EMILIN2: variants seen among roughly 807,000 people sequenced by gnomAD.
The protein encoded by EMILIN2 is EMILIN-2.
A neutral mutation model predicts 87.1 loss-of-function variants in EMILIN2; 71 were observed. The observed-to-expected ratio is 0.82, with a 90% CI of 0.67 to 0.99. The LOEUF (loss-of-function observed/expected upper bound fraction) is 0.99, where lower values mean the gene tolerates loss of function less well. EMILIN2 is among the 50% of genes least tolerant of loss of function. The pLI is 0.00. For synonymous variants in EMILIN2, 581 were observed against 563.4 expected (o/e 1.03, Z -0.44); for missense variants, 1,407 against 1,371.8 (o/e 1.03, Z -0.40).
chr18:2,909,112 C>T lies in EMILIN2; in HGVS notation c.2695+137C>T. 5.4e-6 allele frequency: 6 copies of T among 1,101,772 alleles called. No individual in the cohort carries two copies. The Admixed American group carries it at 1.1e-4, about 19-fold the overall frequency. The allele number at this position is 1,101,772 out of a possible 1,614,324, so 68.2% of individuals were successfully genotyped here. On this transcript the variant is annotated intron_variant, in intron 6 of 7. Coordinates refer to ENST00000254528, the MANE Select transcript of EMILIN2 (RefSeq NM_032048.3). Reference sequence around the variant, plus strand: ...GGCCCAGCCCTTCCCCACCCACCAGCACTGGGACAGCCCTCTGCTGACTAT... The same window carrying T: ...GGCCCAGCCCTTCCCCACCCACCAGTACTGGGACAGCCCTCTGCTGACTAT...
chr18:2,855,995 G>A (rs1345008057), intron 2 of EMILIN2, among the ~76,000 whole-genome samples: 1 of 152,154 alleles, frequency 6.6e-6, no homozygotes, highest in East Asian at 1.9e-4. Context: ...CGGACACATT[G>A]GAGAAAGGCT....
At chr18:2,896,085 A>G (rs910665181) in intron 4 of EMILIN2, among the ~76,000 whole-genome samples, 3 of 152,198 alleles carry the variant, frequency 2.0e-5, no homozygotes, top group Non-Finnish European at 4.4e-5. Context: ...GCTGATGCTT[A>G]AATAGATCTA....
intron 2 of EMILIN2, among the ~76,000 whole-genome samples, chr18:2,876,715 A>T (rs182873377): frequency 2.0e-5 from 3 of 151,904 alleles, no homozygotes; most frequent in Non-Finnish European, 4.4e-5. Context: ...GCAGTGAGCC[A>T]AGATAGTGCC....
At chr18:2,870,228 C>T (rs976449439) in intron 2 of EMILIN2, among the ~76,000 whole-genome samples, 5 of 152,120 alleles carry the variant, frequency 3.3e-5, no homozygotes, top group Non-Finnish European at 5.9e-5. Flanking sequence ...GTGACAGACC[C>T]TGTCTCAAAA....
At chr18:2,866,175 G>A (rs551690191) in intron 2 of EMILIN2, among the ~76,000 whole-genome samples, 243 of 152,254 alleles carry the variant, frequency 1.6e-3, no homozygotes, top group African/African-American at 5.6e-3. Context: ...GCAATGCCTC[G>A]CCCTGCTTCG....
intron 5 of EMILIN2, among the ~76,000 whole-genome samples, chr18:2,908,417 A>T (rs2076925078): frequency 6.6e-6 from 1 of 152,056 alleles, no homozygotes; most frequent in Non-Finnish European, 1.5e-5. Context: ...GTATCCATGC[A>T]CATATCTGTC....
intron 2 of EMILIN2, among the ~76,000 whole-genome samples, chr18:2,883,362 C>T (rs1447431566): frequency 6.6e-6 from 1 of 152,182 alleles, no homozygotes; most frequent in Non-Finnish European, 1.5e-5. Context: ...CGCCTCCCCC[C>T]ATGGGCAGCT....
intron 2 of EMILIN2, among the ~76,000 whole-genome samples, chr18:2,852,821 C>A (rs7237220): frequency 0.015 from 2,211 of 152,218 alleles, 56 homozygotes; most frequent in African/African-American, 0.051. Context: ...ACCTGGCCCG[C>A]AATAATAATT....
chr18:2,882,751 T>G lies in EMILIN2; in HGVS notation c.258-2213T>G, dbSNP rs573153901. 2.6e-3 allele frequency among the ~76,000 whole-genome samples: 389 copies of G among 151,912 alleles called. 1 individual carries two copies. Among genetic ancestry groups the G allele is most frequent in the Middle Eastern group, 0.014 (4 of 292 alleles). On this transcript the variant is annotated intron_variant, in intron 2 of 7. Coordinates refer to ENST00000254528, the MANE Select transcript of EMILIN2 (RefSeq NM_032048.3). ...TACAAAAAATAACCAGGCATGGTGG[T>G]GGGTGCCTGTAATCCCAGCTACTTG...
chr18:2,853,303 G>T (rs192915949), intron 2 of EMILIN2, among the ~76,000 whole-genome samples: 1 of 152,260 alleles, frequency 6.6e-6, no homozygotes, highest in East Asian at 1.9e-4. Context: ...GGTAGATCCT[G>T]CCACCCCCCC....
intron 2 of EMILIN2, among the ~76,000 whole-genome samples, chr18:2,861,948 C>T (rs1568456377): frequency 6.6e-6 from 1 of 152,316 alleles, no homozygotes; most frequent in Admixed American, 6.5e-5. Context: ...AGGTCCTTCA[C>T]AATCCTTGTA....
At chr18:2,869,786 T>TG (rs1568461094) in intron 2 of EMILIN2, among the ~76,000 whole-genome samples, 46 of 59,160 alleles carry the variant, frequency 7.8e-4, no homozygotes, top group African/African-American at 2.6e-3. Flanking sequence ...GTGTGTGTGT[T>TG]TGTGTGTGTG....
intron 2 of EMILIN2, among the ~76,000 whole-genome samples, chr18:2,874,169 A>C (rs1350196753): frequency 6.6e-6 from 1 of 152,200 alleles, no homozygotes; most frequent in Non-Finnish European, 1.5e-5. Flanking sequence ...TTTAAGAGCA[A>C]ATAAACACAT....
chr18:2,880,473 G>A lies in EMILIN2; in HGVS notation c.258-4491G>A, dbSNP rs1043318221. ...CGAGGCGGCAGGGCGACAGGCCCAG[G>A]GTTACAGCCCCAAGGGCCGCCCCCG... is the stretch of plus-strand genomic sequence containing the variant. On this transcript the variant is annotated intron_variant, in intron 2 of 7. Transcript: ENST00000254528. This position sits in a 1 kb window ranked among gnomAD's most constrained non-coding sequence, Gnocchi z 4.1. 6.6e-6 allele frequency among the ~76,000 whole-genome samples: 1 copy of A among 152,210 alleles called. No individual in the cohort carries two copies. The highest frequency in any genetic ancestry group is 1.9e-4 in the East Asian group (1 of 5,192).
chr18:2,901,230 C>A (rs976298762), intron 4 of EMILIN2, among the ~76,000 whole-genome samples: 1 of 152,220 alleles, frequency 6.6e-6, no homozygotes, highest in African/African-American at 2.4e-5. Context: ...TGACAAGACA[C>A]CCCTTAGTTG....
intron 7 of EMILIN2, among the ~76,000 whole-genome samples, chr18:2,911,253 C>G (rs1292064744): frequency 6.6e-6 from 1 of 152,160 alleles, no homozygotes; most frequent in African/African-American, 2.4e-5. Context: ...CCTTGGGGGG[C>G]CGTCCGCATG....
chr18:2,869,104 AAAC>A (rs1281135228), intron 2 of EMILIN2, among the ~76,000 whole-genome samples: 1 of 152,192 alleles, frequency 6.6e-6, no homozygotes, highest in Non-Finnish European at 1.5e-5. Flanking sequence ...CATTTTTAAA[AAAC>A]CAACTCTAGT....
intron 2 of EMILIN2, among the ~76,000 whole-genome samples, chr18:2,859,074 T>C (rs1199876575): frequency 2.0e-5 from 3 of 152,202 alleles, no homozygotes; most frequent in Non-Finnish European, 4.4e-5. Flanking sequence ...TGTCTCTGGG[T>C]AGATACCCGG....
chr18:2,913,604 G>T lies in EMILIN2; in HGVS notation c.*200G>T. ...AGGGAGTGAGGCACACGGTGAACAT[G>T]GCCACTGACTTTTCTGCCACTCTAA... On this transcript the variant is annotated 3_prime_UTR_variant, in exon 8 of 8. Coordinates refer to ENST00000254528, the MANE Select transcript of EMILIN2 (RefSeq NM_032048.3). 1.1e-5 allele frequency: 6 copies of T among 543,676 alleles called. No homozygotes were observed. Among genetic ancestry groups the T allele is most frequent in the South Asian group, 2.5e-5 (1 of 39,912 alleles). The allele number at this position is 543,676 out of a possible 1,614,324, so 33.7% of individuals were successfully genotyped here.
Sources: allele counts gnomAD v4.1 joint callset (sites outside exome capture counted in the v4.1 genomes callset), GRCh38; gene constraint gnomAD v4.1.1; non-coding constraint Gnocchi (gnomAD v3.1); transcripts MANE v1.5; gene names NCBI Gene and HGNC (gene_info 2026-07-23, HGNC 2026-07-21).